Variants in ABCC4 observed in about 807,000 individuals in gnomAD.
ABCC4 encodes the protein ATP binding cassette subfamily C member 4 (PEL blood group).
A neutral mutation model predicts 168.5 loss-of-function variants in ABCC4; 102 were observed. The observed-to-expected ratio is 0.61, with a 90% CI of 0.52 to 0.71. The LOEUF (loss-of-function observed/expected upper bound fraction) is 0.71. Among genes scored for constraint, ABCC4 ranks in the 30% least tolerant of loss-of-function variants. The pLI, the probability that ABCC4 is intolerant of heterozygous loss-of-function variation, is 0.00. For synonymous variants in ABCC4, 617 were observed against 590.7 expected (o/e 1.04, Z -0.65); for missense variants, 1,402 against 1,605.8 (o/e 0.87, Z 2.17).
At chr13:95,162,522 G>A (rs34312897) in intron 18 of ABCC4, among the ~76,000 whole-genome samples, 3,194 of 152,276 alleles carry the variant, frequency 0.021, 56 homozygotes, top group Non-Finnish European at 0.031. Context: ...TTGGGGACGC[G>A]ATAACATTGT....
intron 1 of ABCC4, among the ~76,000 whole-genome samples, chr13:95,273,444 C>G (rs1025608622): frequency 6.6e-6 from 1 of 152,144 alleles, no homozygotes; most frequent in East Asian, 1.9e-4. Context: ...TTTAGCCCAC[C>G]TAGCAGACTC....
At chr13:95,232,236 C>T (rs935935181) in intron 4 of ABCC4, among the ~76,000 whole-genome samples, 2 of 151,954 alleles carry the variant, frequency 1.3e-5, no homozygotes, top group African/African-American at 4.8e-5. Context: ...TCCGGGCATA[C>T]CTGTTATACT....
At chr13:95,139,372 C>T (rs72642402) in intron 19 of ABCC4, among the ~76,000 whole-genome samples, 6,757 of 152,226 alleles carry the variant, frequency 0.044, 214 homozygotes, top group Middle Eastern at 0.13. Flanking sequence ...TAAATAAATA[C>T]CCAGTGGTCA....
intron 27 of ABCC4, among the ~76,000 whole-genome samples, chr13:95,045,954 A>G (rs959586394): frequency 2.6e-5 from 4 of 152,228 alleles, no homozygotes; most frequent in African/African-American, 9.6e-5. Context: ...AGTTAAGATT[A>G]AATATGGTAT....
chr13:95,174,449 A>C (rs536546314), intron 13 of ABCC4, among the ~76,000 whole-genome samples: 1 of 152,136 alleles, frequency 6.6e-6, no homozygotes, highest in Non-Finnish European at 1.5e-5. Flanking sequence ...TGATTTCCTA[A>C]ATTGCATTCG....
chr13:95,033,318 A>G (rs17189292), intron 30 of ABCC4, among the ~76,000 whole-genome samples: 14,714 of 152,242 alleles, frequency 0.097, 944 homozygotes, highest in Admixed American at 0.17. Flanking sequence ...TATACTGCCT[A>G]TGGATGAACA....
chr13:95,132,973 TA>T (rs2036022736), intron 19 of ABCC4, among the ~76,000 whole-genome samples: 1 of 152,170 alleles, frequency 6.6e-6, no homozygotes, highest in East Asian at 1.9e-4. Flanking sequence ...GGAAGATGGA[TA>T]AGTTCAGGAG....
chr13:95,148,561 GTC>G (rs1357154098), intron 19 of ABCC4, among the ~76,000 whole-genome samples: 1 of 143,828 alleles, frequency 7.0e-6, no homozygotes, highest in East Asian at 2.0e-4. Context: ...TAACTAAAAA[GTC>G]TCTCTCTCCC....
Position 95,053,101 on chromosome 13 carries a change from T to A in ABCC4, c.3450A>T (p.Leu1150Phe). Reference sequence around the variant, plus strand: ...ATTACATTTTATCAATTACCTCTTGTAAGGCATTCCACAGTTCCTCATCCG... The same window carrying A: ...ATTACATTTTATCAATTACCTCTTGAAAGGCATTCCACAGTTCCTCATCCG... ...EHTDEELWNALQEVQLKETIE... is the reference protein window; with the variant it reads ...EHTDEELWNAFQEVQLKETIE... Residue 1150 changes from leucine to phenylalanine, a missense_variant, in exon 27 of 31, where the codon TTA (leucine) becomes TTT (phenylalanine). Physicochemically the swap from Leu to Phe is conservative, Grantham distance 22. Coordinates refer to ENST00000645237, the MANE Select transcript of ABCC4 (RefSeq NM_005845.5). The A allele has an allele frequency of 6.2e-7, 1 of 1,613,306 alleles. No homozygotes were observed. The highest frequency in any genetic ancestry group is 1.3e-5 in the African/African-American group (1 of 75,040).
chr13:95,042,420 C>T (rs1362032906), intron 29 of ABCC4, among the ~76,000 whole-genome samples: 2 of 152,080 alleles, frequency 1.3e-5, no homozygotes, highest in Non-Finnish European at 2.9e-5. Flanking sequence ...GTGAATGCTG[C>T]GTTTGATGAA....
intron 19 of ABCC4, among the ~76,000 whole-genome samples, chr13:95,133,703 A>G (rs1482967525): frequency 1.3e-5 from 2 of 152,138 alleles, no homozygotes; most frequent in East Asian, 3.9e-4. Context: ...GCGAAGAACA[A>G]CAACAGCGAC....
At chr13:95,137,218 A>G (rs2036170227) in intron 19 of ABCC4, among the ~76,000 whole-genome samples, 1 of 152,214 alleles carries the variant, frequency 6.6e-6, no homozygotes, top group African/African-American at 2.4e-5. Context: ...ACTAAGCCAG[A>G]TCACTGGTCT....
chr13:95,057,528 G>A (rs1007913281), intron 26 of ABCC4, among the ~76,000 whole-genome samples: 7 of 152,094 alleles, frequency 4.6e-5, no homozygotes, highest in Non-Finnish European at 8.8e-5. Context: ...GTGAGCCACC[G>A]TGCCCGGCCC....
At chr13:95,083,808 C>T (rs1019456356) in intron 20 of ABCC4, among the ~76,000 whole-genome samples, 1 of 152,172 alleles carries the variant, frequency 6.6e-6, no homozygotes, top group African/African-American at 2.4e-5. Flanking sequence ...TGAGCGTGAG[C>T]CACCACACCA....
At chr13:95,244,512 A>C (rs775710987) in intron 3 of ABCC4, among the ~76,000 whole-genome samples, 5 of 150,752 alleles carry the variant, frequency 3.3e-5, no homozygotes, top group Non-Finnish European at 5.9e-5. Flanking sequence ...CCAAAGCTGC[A>C]GTGAGCCAAG....
At chr13:95,115,853 TGA>T (rs2035358887) in intron 20 of ABCC4, 67 bp downstream of exon 20, 8 of 1,362,014 alleles carry the variant, frequency 5.9e-6, no homozygotes, top group Non-Finnish European at 8.3e-6. Flanking sequence ...CCAGACCCCA[TGA>T]AAAGGGCTTG....
chr13:95,299,675 A>G (rs2041625784), intron 1 of ABCC4, among the ~76,000 whole-genome samples: 2 of 152,146 alleles, frequency 1.3e-5, no homozygotes, highest in Non-Finnish European at 2.9e-5. Context: ...AACCCAAAAA[A>G]TTGGAGACCC....
At chr13:95,021,838 G>A (rs2031103670) in intron 30 of ABCC4, among the ~76,000 whole-genome samples, 156 bp from the exon 31 acceptor site, 1 of 152,196 alleles carries the variant, frequency 6.6e-6, no homozygotes, top group Non-Finnish European at 1.5e-5. Context: ...ACTGTACAGA[G>A]AAATTAGCCC....
chr13:95,114,734 C>A (rs190129758), intron 20 of ABCC4, among the ~76,000 whole-genome samples: 2 of 152,272 alleles, frequency 1.3e-5, no homozygotes. Context: ...ACAGGAATTC[C>A]TATAAGCATT....
Sources: gnomAD v4.1 joint callset for allele counts (sites outside exome capture counted in the v4.1 genomes callset) on GRCh38, gnomAD v4.1.1 for gene constraint, MANE v1.5 for transcripts, NCBI Gene and HGNC (gene_info 2026-07-23, HGNC 2026-07-21) for gene names.